The following SYNPR variants were observed in gnomAD, a reference collection of about 807,000 sequenced individuals.
The protein encoded by SYNPR is synaptoporin.
SYNPR carries 23 observed loss-of-function variants against 32.9 expected under a neutral mutation model. That is an observed-to-expected ratio of 0.70 (90% confidence interval 0.50 to 0.99). The LOEUF is 0.99. SYNPR is among the 50% of genes least tolerant of loss of function. The pLI is 0.00. For missense variants in SYNPR, 318 were observed against 349.3 expected (o/e 0.91, Z 0.71); for synonymous variants, 146 against 135.9 (o/e 1.07, Z -0.52).
At chr3:63,242,969 C>T (rs1015960647) in intron 1 of SYNPR, among the ~76,000 whole-genome samples, 3 of 151,744 alleles carry the variant, frequency 2.0e-5, no homozygotes, top group South Asian at 2.1e-4. Context: ...TGAACAATAG[C>T]GCATATACCC....
At chr3:63,479,679 C>A (rs193200983) in intron 2 of SYNPR, among the ~76,000 whole-genome samples, 1 of 152,152 alleles carries the variant, frequency 6.6e-6, no homozygotes, top group Middle Eastern at 3.2e-3. Context: ...GGTGATCTTG[C>A]CAGCTCCAGC....
intron 2 of SYNPR, among the ~76,000 whole-genome samples, chr3:63,478,236 G>A (rs2106692118): frequency 6.6e-6 from 1 of 152,158 alleles, no homozygotes; most frequent in East Asian, 1.9e-4. Flanking sequence ...ATTATATGAT[G>A]GTATTAATAA....
chr3:63,218,672 A>C, the SYNPR span, among the ~76,000 whole-genome samples: 119,743 of 152,102 alleles, frequency 0.79, 47,659 homozygotes, highest in Middle Eastern at 0.87. Context: ...CTCAGCCTCC[A>C]AAAGTCCTGG....
At chr3:63,317,376 T>G (rs976756190) in intron 2 of SYNPR, among the ~76,000 whole-genome samples, 1 of 152,010 alleles carries the variant, frequency 6.6e-6, no homozygotes, top group Admixed American at 6.6e-5. Context: ...ATCTCATTTA[T>G]TGGGTCTATT....
At position 63,591,924 on chromosome 3, in the gene SYNPR, A is replaced by T. The variant is rs527549212; in HGVS notation, c.409-17201A>T. On this transcript the variant is annotated intron_variant, in intron 4 of 5. Transcript: ENST00000478300. Reference sequence around the variant, plus strand: ...TACCCTAAAACTTAAAGTATAATAAAAAAAAAAAAAAGATATGCCCACCCA... The same window carrying T: ...TACCCTAAAACTTAAAGTATAATAATAAAAAAAAAAAGATATGCCCACCCA... 2.1e-3 allele frequency among the ~76,000 whole-genome samples: 324 copies of T among 150,828 alleles called. 2 individuals carry two copies. The highest frequency in any genetic ancestry group is 6.9e-3 in the African/African-American group (283 of 41,016).
upstream of SYNPR, among the ~76,000 whole-genome samples, chr3:63,275,599 C>T (rs1202855190): frequency 6.6e-6 from 1 of 152,018 alleles, no homozygotes; most frequent in African/African-American, 2.4e-5. Context: ...AAATAATCTG[C>T]AAGTAGGCAA....
At chr3:63,380,162 C>A (rs1456554552) in intron 2 of SYNPR, among the ~76,000 whole-genome samples, 1 of 152,142 alleles carries the variant, frequency 6.6e-6, no homozygotes, top group East Asian at 1.9e-4. Context: ...CCGCATGTGT[C>A]TTTATAGCAG....
chr3:63,575,287 T>C (rs563172260), intron 4 of SYNPR, among the ~76,000 whole-genome samples: 1 of 152,138 alleles, frequency 6.6e-6, no homozygotes, highest in African/African-American at 2.4e-5. Context: ...ATACCCACCC[T>C]CTGCCAACAG....
chr3:63,407,175 C>A (rs1332472557), intron 2 of SYNPR, among the ~76,000 whole-genome samples: 2 of 152,176 alleles, frequency 1.3e-5, no homozygotes, highest in African/African-American at 4.8e-5. Context: ...GTGGAGAAAT[C>A]ACATAAGCAG....
At chr3:63,332,124 G>A (rs1236416808) in intron 2 of SYNPR, among the ~76,000 whole-genome samples, 1 of 152,164 alleles carries the variant, frequency 6.6e-6, no homozygotes, top group Non-Finnish European at 1.5e-5. Context: ...TAGTGTGGAG[G>A]ATGCCTGAGT....
At chr3:63,417,599 G>A (rs186726782) in intron 2 of SYNPR, among the ~76,000 whole-genome samples, 2 of 152,374 alleles carry the variant, frequency 1.3e-5, no homozygotes, top group East Asian at 1.9e-4. Flanking sequence ...TGCCCCTGCA[G>A]CAAGCTTTTT....
intron 3 of SYNPR, among the ~76,000 whole-genome samples, chr3:63,519,671 T>C (rs1215159683): frequency 6.6e-6 from 1 of 152,236 alleles, no homozygotes; most frequent in East Asian, 1.9e-4. Flanking sequence ...CGGTTTTTGG[T>C]TTGTACAACC....
chr3:63,366,774 A>G (rs1053085197), intron 2 of SYNPR, among the ~76,000 whole-genome samples: 10 of 152,224 alleles, frequency 6.6e-5, no homozygotes, highest in Non-Finnish European at 1.5e-4. Context: ...CATAAATCAC[A>G]TTCATTCTTT....
At chr3:63,606,417 C>CTTTTTTTTTTTTTTTTTAT (rs1700121085) in intron 4 of SYNPR, among the ~76,000 whole-genome samples, 1 of 68,300 alleles carries the variant, frequency 1.5e-5, no homozygotes, top group Non-Finnish European at 2.9e-5. Context: ...CAAATCCTTT[C>CTTTTTTTTTTTTTTTTTAT]TTTTTTTTTT....
Position 63,313,704 on chromosome 3 carries a change from CATATATATATATCCAT to C in SYNPR, c.84+34973_84+34988del, listed in dbSNP as rs199673911. ...ACATATATATCCATATATATATATC[CATATATATATATCCAT>C]ATATATATATCCATATATATATATC... On this transcript the variant is annotated intron_variant, in intron 2 of 5. Transcript: ENST00000478300. 6.7e-3 allele frequency among the ~76,000 whole-genome samples: 212 copies of C among 31,538 alleles called. 26 individuals carry two copies. Among genetic ancestry groups the C allele is most frequent in the Non-Finnish European group, 7.1e-3 (122 of 17,216 alleles). The allele number at this position is 31,538 out of a possible 152,430, so 20.7% of individuals were successfully genotyped here.
At chr3:63,601,557 C>G (rs922537555) in intron 4 of SYNPR, among the ~76,000 whole-genome samples, 1 of 152,174 alleles carries the variant, frequency 6.6e-6, no homozygotes, top group Non-Finnish European at 1.5e-5. Context: ...TCCACGTGTA[C>G]TTTAATTTTT....
chr3:63,517,924 A>G (rs985473128), intron 3 of SYNPR, among the ~76,000 whole-genome samples: 4 of 152,170 alleles, frequency 2.6e-5, no homozygotes, highest in African/African-American at 4.8e-5. Flanking sequence ...AAATTATAGC[A>G]TAGTATGGCA....
intron 4 of SYNPR, among the ~76,000 whole-genome samples, chr3:63,606,802 T>C (rs958079281): frequency 1.3e-5 from 2 of 152,296 alleles, no homozygotes; most frequent in Middle Eastern, 6.8e-3. Flanking sequence ...GAATCCTTGC[T>C]CCTCCACTTA....
chr3:63,321,833 C>T (rs1370121864), intron 2 of SYNPR, among the ~76,000 whole-genome samples: 2 of 152,030 alleles, frequency 1.3e-5, no homozygotes, highest in African/African-American at 2.4e-5. Flanking sequence ...CAGTTCAGGG[C>T]CTCTTTGCAC....
Sources: allele counts gnomAD v4.1 joint callset (sites outside exome capture counted in the v4.1 genomes callset), GRCh38; gene constraint gnomAD v4.1.1; transcripts MANE v1.5; gene names NCBI Gene and HGNC (gene_info 2026-07-23, HGNC 2026-07-21).